Variants in SSH2 observed in about 807,000 individuals in gnomAD.
SSH2 encodes slingshot protein phosphatase 2.
A neutral mutation model predicts 135.2 loss-of-function variants in SSH2; 37 were observed. The observed-to-expected ratio is 0.27, with a 90% CI of 0.21 to 0.36. SSH2 has a LOEUF of 0.36. Ranked by LOEUF, SSH2 falls within the 10% of genes least tolerant of loss-of-function variation. The pLI, the probability that SSH2 is intolerant of heterozygous loss-of-function variation, is 1.00. For synonymous variants in SSH2, 628 were observed against 646.2 expected (o/e 0.97, Z 0.43); for missense variants, 1,408 against 1,765.3 (o/e 0.80, Z 3.63).
intron 1 of SSH2, among the ~76,000 whole-genome samples, chr17:29,885,230 CTCTT>C (rs1325596162): frequency 6.6e-6 from 1 of 151,550 alleles, no homozygotes; most frequent in East Asian, 1.9e-4. Flanking sequence ...TTTGCTGTTC[CTCTT>C]TCTTCTCACC....
chr17:29,870,740 T>C (rs931180859), intron 1 of SSH2, among the ~76,000 whole-genome samples: 1 of 152,192 alleles, frequency 6.6e-6, no homozygotes, highest in Admixed American at 6.5e-5. Context: ...CATGAAATCA[T>C]TCAGACACTG....
At chr17:29,761,900 A>G (rs1164942546) in intron 3 of SSH2, among the ~76,000 whole-genome samples, 3 of 89,066 alleles carry the variant, frequency 3.4e-5, no homozygotes, top group Admixed American at 1.0e-4. Context: ...TTTTTTTGAG[A>G]TGGAGTTTCT....
intron 2 of SSH2, among the ~76,000 whole-genome samples, chr17:29,820,503 T>C (rs1012416756): frequency 6.6e-6 from 1 of 152,180 alleles, no homozygotes; most frequent in African/African-American, 2.4e-5. Context: ...AATGAACACA[T>C]AAGCAAAAGT....
intron 1 of SSH2, among the ~76,000 whole-genome samples, chr17:29,881,797 G>A (rs2066143120): frequency 6.6e-6 from 1 of 152,148 alleles, no homozygotes; most frequent in African/African-American, 2.4e-5. Flanking sequence ...ACCACACCCA[G>A]CCCACCACTG....
At chr17:29,726,510 G>T (rs2040007500) in intron 3 of SSH2, among the ~76,000 whole-genome samples, 1 of 152,148 alleles carries the variant, frequency 6.6e-6, no homozygotes, top group Non-Finnish European at 1.5e-5. Flanking sequence ...TTAGAAAAAG[G>T]GAGACAGATG....
At chr17:29,707,566 C>T (rs1339036878) in intron 3 of SSH2, among the ~76,000 whole-genome samples, 1 of 151,038 alleles carries the variant, frequency 6.6e-6, no homozygotes, top group East Asian at 1.9e-4. Flanking sequence ...TGCTCTCTTG[C>T]CCAGGCTGGA....
intron 2 of SSH2, among the ~76,000 whole-genome samples, chr17:29,834,023 T>C (rs1246340631): frequency 8.6e-5 from 13 of 151,278 alleles, no homozygotes; most frequent in South Asian, 2.1e-4. Context: ...TTATGTTTTT[T>C]GTGTATCTAT....
chr17:29,777,770 G>GACC (rs1168426419), intron 3 of SSH2: 2 of 140,400 alleles, frequency 1.4e-5, no homozygotes, highest in African/African-American at 5.9e-5. Flanking sequence ...TCATGCCTCT[G>GACC]ACCCTGCACT....
chr17:29,733,492 C>T (rs1211984295), intron 3 of SSH2, among the ~76,000 whole-genome samples: 1 of 152,046 alleles, frequency 6.6e-6, no homozygotes, highest in Admixed American at 6.6e-5. Context: ...TAAACATATT[C>T]GATGTTTCCC....
At chr17:29,869,285 G>C (rs557169138) in intron 1 of SSH2, among the ~76,000 whole-genome samples, 8 of 152,268 alleles carry the variant, frequency 5.3e-5, no homozygotes, top group Non-Finnish European at 1.0e-4. Context: ...AGTAATCTAG[G>C]GACTTCAGTA....
intron 15 of SSH2, among the ~76,000 whole-genome samples, chr17:29,634,880 T>C (rs1253185760): frequency 6.6e-6 from 1 of 151,534 alleles, no homozygotes. Context: ...ACCACAGCAT[T>C]GGAGATGAAG....
Position 29,650,680 on chromosome 17 carries a change from G to A in SSH2, c.1200C>T (p.Asp400=), listed in dbSNP as rs1474857599. The change falls in exon 13 of 16, where the codon GAC becomes GAT. Residue 400 remains aspartate, a synonymous_variant. Coordinates refer to ENST00000540801, the MANE Select transcript of SSH2 (RefSeq NM_001282129.2). ...EATDLLAYWN[D]TYKFISKAKK... is the part of the protein sequence containing the mutation. ...TTGCTTTAGAGATGAATTTGTAAGT[G>A]TCATTCCAGTACGCCAGGAGATCCG... 1.2e-6 allele frequency: 2 copies of A among 1,613,728 alleles called. No homozygotes were observed.
At chr17:29,783,317 A>T (rs1567971674) in intron 3 of SSH2, among the ~76,000 whole-genome samples, 1 of 109,728 alleles carries the variant, frequency 9.1e-6, no homozygotes, top group Non-Finnish European at 1.9e-5. Flanking sequence ...TATAACATAT[A>T]TTATATATAT....
intron 14 of SSH2, chr17:29,647,941 G>A (rs1417474179): frequency 5.4e-6 from 3 of 554,002 alleles, no homozygotes; most frequent in Admixed American, 3.1e-5. Flanking sequence ...GGGATTACAG[G>A]CGTGAGCCAC....
chr17:29,906,823 T>G (rs1225860278), intron 1 of SSH2, among the ~76,000 whole-genome samples: 1 of 152,140 alleles, frequency 6.6e-6, no homozygotes, highest in East Asian at 1.9e-4. Flanking sequence ...AGAAACTATC[T>G]CATGCCAGTC....
At chr17:29,847,883 T>C (rs755728110) in intron 2 of SSH2, among the ~76,000 whole-genome samples, 4 of 152,184 alleles carry the variant, frequency 2.6e-5, no homozygotes, top group African/African-American at 4.8e-5. Flanking sequence ...ACCCCTCAAT[T>C]TGCATTAACC....
chr17:29,842,472 G>GTT (rs2043060036), intron 2 of SSH2, among the ~76,000 whole-genome samples: 4 of 146,114 alleles, frequency 2.7e-5, no homozygotes, highest in Admixed American at 6.8e-5. Context: ...AAAAAAAAAA[G>GTT]ATCATCAGGT....
intron 3 of SSH2, among the ~76,000 whole-genome samples, chr17:29,705,016 C>T (rs1262877845): frequency 6.6e-6 from 1 of 152,162 alleles, no homozygotes; most frequent in Non-Finnish European, 1.5e-5. Context: ...ATTGACGTTG[C>T]CAAAACTAAA....
At chr17:29,734,123 A>G (rs2040290921) in intron 3 of SSH2, among the ~76,000 whole-genome samples, 1 of 152,002 alleles carries the variant, frequency 6.6e-6, no homozygotes, top group South Asian at 2.1e-4. Context: ...GGGTTTCACC[A>G]TATTGGCCAG....
Sources: gnomAD v4.1 joint callset for allele counts (sites outside exome capture counted in the v4.1 genomes callset) on GRCh38, gnomAD v4.1.1 for gene constraint, MANE v1.5 for transcripts, NCBI Gene and HGNC (gene_info 2026-07-23, HGNC 2026-07-21) for gene names.